Variants in TRAFD1 observed in about 807,000 individuals in gnomAD.
TRAFD1 encodes TRAF-type zinc finger domain containing 1.
TRAFD1 carries 38 observed loss-of-function variants against 65.3 expected under a neutral mutation model. The observed-to-expected ratio is 0.58, with a 90% CI of 0.45 to 0.76. TRAFD1 has a LOEUF of 0.76. Ranked by LOEUF, TRAFD1 falls within the 30% of genes least tolerant of loss-of-function variation. TRAFD1 has a pLI of 0.00. For missense variants in TRAFD1, 631 were observed against 712.6 expected (o/e 0.89, Z 1.30); for synonymous variants, 223 against 257.2 (o/e 0.87, Z 1.27).
chr12:112,152,785 G>A lies in TRAFD1; in HGVS notation c.1743G>A (p.Glu581=). The A allele has an allele frequency of 6.2e-7, 1 of 1,614,182 alleles. No homozygotes were observed. The highest frequency in any genetic ancestry group is 8.5e-7 in the Non-Finnish European group (1 of 1,180,044). ...QGAGDAEEEE[E]E ...CTGGGGATGCAGAAGAGGAAGAGGA[G>A]GAGTAATGGTGTCTCCAGAGACTTT... The change falls in exon 12 of 12, where the codon GAG becomes GAA. Residue 581 remains glutamate, a synonymous_variant. Transcript: ENST00000412615. This position sits in a 1 kb window ranked among gnomAD's most constrained non-coding sequence, Gnocchi z 5.0.
At chr12:112,145,746 AAATCATTTT>A in intron 7 of TRAFD1, 84 bp downstream of exon 7, 1 of 1,197,694 alleles carries the variant, frequency 8.3e-7, no homozygotes, top group East Asian at 2.4e-5. Context: ...GGCCTTGAAC[AAATCATTTT>A]AATACAATGC....
chr12:112,148,035 T>G, intron 7 of TRAFD1, 39 bp from the exon 8 acceptor site: 1 of 1,544,162 alleles, frequency 6.5e-7, no homozygotes. Flanking sequence ...TTTCTTAACC[T>G]CTGATTCTTG....
rs1412781792 is a variant in TRAFD1, at chr12:112,135,177, C to A, written c.237+111C>A. 6 of 1,245,006 alleles carry A rather than the reference C, an allele frequency of 4.8e-6. No individual in the cohort carries two copies. In the East Asian group the frequency reaches 7.0e-5, roughly 15 times the overall value. The allele number at this position is 1,245,006 out of a possible 1,614,324, so 77.1% of individuals were successfully genotyped here. ...TGTTAGTTCTCCGTGAGCTCACATG[C>A]ATACTGTTTCTCAAAGCCTGTTTGA... On this transcript the variant is annotated intron_variant, in intron 4 of 11. Transcript: ENST00000412615.
chr12:112,134,169 C>G (rs1292584781), intron 2 of TRAFD1, among the ~76,000 whole-genome samples: 1 of 151,200 alleles, frequency 6.6e-6, no homozygotes, highest in African/African-American at 2.4e-5. Flanking sequence ...TGCCGCCACA[C>G]CTGGCTAATT....
chr12:112,153,014 T>G lies in TRAFD1; in HGVS notation c.*223T>G. 4 of 495,530 alleles carry G rather than the reference T, an allele frequency of 8.1e-6. No homozygotes were observed. The highest frequency in any genetic ancestry group is 1.1e-5 in the Non-Finnish European group (3 of 280,728). 30.7% of individuals were successfully genotyped at this position (495,530 alleles called of 1,614,324 possible). A position where few individuals can be genotyped will look rare whatever the true frequency, so the allele number is the denominator to read the frequency against. ...TGAGGAACGCTTCAGCCTTAGCTGCTACCTTTCGGCAGCAGTGAAATACAA... is the reference window on the plus strand; with the variant it reads ...TGAGGAACGCTTCAGCCTTAGCTGCGACCTTTCGGCAGCAGTGAAATACAA... On this transcript the variant is annotated 3_prime_UTR_variant, in exon 12 of 12. Transcript: ENST00000412615.
intron 5 of TRAFD1, chr12:112,141,438 A>G (rs1055465964): frequency 8.3e-6 from 5 of 605,204 alleles, no homozygotes; most frequent in Non-Finnish European, 1.4e-5. Flanking sequence ...AGTGTTGTAA[A>G]TAGCCAACAC....
At chr12:112,136,531 C>T (rs2029916288) in intron 4 of TRAFD1, among the ~76,000 whole-genome samples, 1 of 152,044 alleles carries the variant, frequency 6.6e-6, no homozygotes, top group Non-Finnish European at 1.5e-5. Flanking sequence ...GATCCACCCA[C>T]CTTGGCCCCT....
chr12:112,144,070 T>A (rs1209346086), intron 6 of TRAFD1, among the ~76,000 whole-genome samples: 1 of 152,130 alleles, frequency 6.6e-6, no homozygotes, highest in Non-Finnish European at 1.5e-5. Flanking sequence ...TTAAATATAC[T>A]TATTTTTCTT....
intron 7 of TRAFD1, 32 bp downstream of exon 7, chr12:112,145,694 A>G (rs781355209): frequency 6.2e-7 from 1 of 1,601,880 alleles, no homozygotes; most frequent in Non-Finnish European, 8.6e-7. Context: ...GACTTTTAGT[A>G]GGATTGTATG....
chr12:112,141,537 G>A (rs1029792508), intron 5 of TRAFD1: 8 of 267,622 alleles, frequency 3.0e-5, no homozygotes, highest in African/African-American at 1.6e-4. Flanking sequence ...TACTGGATGA[G>A]CATCTCAAAT....
intron 9 of TRAFD1, among the ~76,000 whole-genome samples, chr12:112,151,157 G>C (rs1442547273): frequency 6.6e-6 from 1 of 151,848 alleles, no homozygotes. Context: ...AGAATCACTT[G>C]AATCCAGGAG....
At position 112,148,240 on chromosome 12, in the gene TRAFD1, G is replaced by C; in HGVS notation, c.1094G>C (p.Ser365Thr). ...GLSNSHPVEESIIIPCEFCGV... is the reference protein window; with the variant it reads ...GLSNSHPVEETIIIPCEFCGV... Reference sequence around the variant, plus strand: ...AGCAATTCACACCCTGTGGAGGAGAGCATCATTATCCCATGTGAATTCTGT... The same window carrying C: ...AGCAATTCACACCCTGTGGAGGAGACCATCATTATCCCATGTGAATTCTGT... Residue 365 changes from serine to threonine, a missense_variant, in exon 8 of 12, where the codon AGC (serine) becomes ACC (threonine). Transcript: ENST00000412615. 1 of 1,614,184 alleles carries C rather than the reference G, an allele frequency of 6.2e-7. No homozygotes were observed. Among genetic ancestry groups the C allele is most frequent in the Non-Finnish European group, 8.5e-7 (1 of 1,180,026 alleles).
intron 1 of TRAFD1, among the ~76,000 whole-genome samples, chr12:112,129,029 TAAAAAAAAA>T (rs543476356): frequency 1.1e-5 from 1 of 91,540 alleles, no homozygotes; most frequent in Non-Finnish European, 2.2e-5. Context: ...AGACTCTGTT[TAAAAAAAAA>T]AAAAAAAAAA....
At chr12:112,149,125 T>C (rs1437267420) in intron 8 of TRAFD1, among the ~76,000 whole-genome samples, 2 of 150,988 alleles carry the variant, frequency 1.3e-5, no homozygotes, top group African/African-American at 4.9e-5. Context: ...GGCTGAGGCA[T>C]GAGAATCACT....
At chr12:112,140,196 G>T (rs545205129) in intron 4 of TRAFD1, 18 of 266,024 alleles carry the variant, frequency 6.8e-5, no homozygotes, top group African/African-American at 3.7e-4. Context: ...TGAGGCGGGC[G>T]GATCACAAGG....
At position 112,149,797 on chromosome 12, in the gene TRAFD1, A is replaced by T. The variant is rs1257436132; in HGVS notation, c.1205A>T (p.Glu402Val). 6.2e-7 allele frequency: 1 copy of T among 1,614,086 alleles called. No homozygotes were observed. Among genetic ancestry groups the T allele is most frequent in the Non-Finnish European group, 8.5e-7 (1 of 1,180,034 alleles). ...RPATATNHVTEGIPRLDSQPQ... is the reference protein window; with the variant it reads ...RPATATNHVTVGIPRLDSQPQ... Reference sequence around the variant, plus strand: ...GCCACTGCAACCAACCATGTGACAGAGGGGATTCCTAGACTGGATTCCCAG... The same window carrying T: ...GCCACTGCAACCAACCATGTGACAGTGGGGATTCCTAGACTGGATTCCCAG... Residue 402 changes from glutamate to valine, a missense_variant, in exon 9 of 12, where the codon GAG (glutamate) becomes GTG (valine). By Grantham distance (121) the Glu-to-Val change is moderately radical. Transcript: ENST00000412615.
chr12:112,139,941 G>T (rs1192564323), intron 4 of TRAFD1, among the ~76,000 whole-genome samples: 1 of 152,098 alleles, frequency 6.6e-6, no homozygotes, highest in Non-Finnish European at 1.5e-5. Flanking sequence ...GGTGAAGGTT[G>T]TAGTGAGCTG....
intron 8 of TRAFD1, among the ~76,000 whole-genome samples, chr12:112,149,076 G>A (rs2030331398): frequency 1.3e-5 from 2 of 152,056 alleles, no homozygotes; most frequent in Admixed American, 1.3e-4. Flanking sequence ...AAATTAGCTG[G>A]ATGTGGTGGC....
At chr12:112,142,067 T>C (rs1310057289) in intron 5 of TRAFD1, 22 bp from the exon 6 acceptor site, 2 of 1,610,060 alleles carry the variant, frequency 1.2e-6, no homozygotes, top group African/African-American at 2.7e-5. Flanking sequence ...ATCCTGAATG[T>C]TGGTTGGTTT....
Sources: allele counts gnomAD v4.1 joint callset (sites outside exome capture counted in the v4.1 genomes callset), GRCh38; gene constraint gnomAD v4.1.1; non-coding constraint Gnocchi (gnomAD v3.1); transcripts MANE v1.5; gene names NCBI Gene and HGNC (gene_info 2026-07-23, HGNC 2026-07-21).